The following CUBN variants were observed in gnomAD, a reference collection of about 807,000 sequenced individuals.
The protein encoded by CUBN is 460 kDa receptor.
CUBN carries 282 observed loss-of-function variants against 405.3 expected under a neutral mutation model. That is an observed-to-expected ratio of 0.70 (90% CI 0.63 to 0.77). The LOEUF is 0.77. CUBN is among the 30% of genes least tolerant of loss of function. The probability of loss-of-function intolerance (pLI) is 0.00; values close to 1 mark genes in which losing one functional copy is unlikely to be tolerated. For missense variants in CUBN, 4,514 were observed against 4,475.2 expected (o/e 1.01, Z -0.25); for synonymous variants, 1,684 against 1,617.0 (o/e 1.04, Z -0.99).
chr10:16,826,584 A>C (rs2131295933), intron 66 of CUBN, among the ~76,000 whole-genome samples: 1 of 152,344 alleles, frequency 6.6e-6, no homozygotes, highest in East Asian at 1.9e-4. Context: ...TTAAGAAAAA[A>C]AACAATTACA....
intron 58 of CUBN, among the ~76,000 whole-genome samples, 157 bp from the exon 59 acceptor site, chr10:16,870,010 G>A (rs188844989): frequency 1.2e-3 from 176 of 152,268 alleles, no homozygotes; most frequent in African/African-American, 4.1e-3. Context: ...GTACTTTACT[G>A]ATCAGTTCAA....
chr10:17,015,611 T>G (rs1209672868), intron 28 of CUBN, among the ~76,000 whole-genome samples: 2 of 152,132 alleles, frequency 1.3e-5, no homozygotes, highest in Non-Finnish European at 2.9e-5. Context: ...AATGGTTAAA[T>G]GTAACCGGGG....
intron 39 of CUBN, among the ~76,000 whole-genome samples, chr10:16,936,934 C>T (rs1842524033): frequency 6.6e-6 from 1 of 152,094 alleles, no homozygotes; most frequent in Non-Finnish European, 1.5e-5. Flanking sequence ...CCAGGCTAGT[C>T]TCGAACTCCC....
chr10:17,045,222 C>T (rs1835102452), intron 24 of CUBN, 34 bp from the exon 25 acceptor site: 8 of 1,604,352 alleles, frequency 5.0e-6, no homozygotes, highest in Non-Finnish European at 6.8e-6. Context: ...ACACACACCC[C>T]TTTCCTTCTG....
intron 10 of CUBN, among the ~76,000 whole-genome samples, chr10:17,108,476 G>A (rs751500487): frequency 6.6e-6 from 1 of 151,928 alleles, no homozygotes; most frequent in East Asian, 1.9e-4. Context: ...AATAAAGGTG[G>A]TATCTTGAAA....
At chr10:16,830,075 A>G (rs1170511692) in intron 65 of CUBN, among the ~76,000 whole-genome samples, 1 of 152,122 alleles carries the variant, frequency 6.6e-6, no homozygotes, top group Non-Finnish European at 1.5e-5. Flanking sequence ...AGCTGGGATT[A>G]CAGGCATGTG....
chr10:16,918,812 AC>A lies in CUBN; in HGVS notation c.6822-13del. The A allele has an allele frequency of 6.2e-7, 1 of 1,612,682 alleles. No individual in the cohort carries two copies. Among genetic ancestry groups the A allele is most frequent in the Non-Finnish European group, 8.5e-7 (1 of 1,179,052 alleles). ...AGTTGGAAGTACAGCTGAAGTGGGA[AC>A]AAAATTCTGTTAAATTTACATGGTC... On this transcript the variant is annotated splice_polypyrimidine_tract_variant and intron_variant, in intron 44 of 66. Coordinates refer to ENST00000377833, the MANE Select transcript of CUBN (RefSeq NM_001081.4).
At chr10:17,115,996 G>A (rs371420119) in intron 6 of CUBN, among the ~76,000 whole-genome samples, 65 of 152,306 alleles carry the variant, frequency 4.3e-4, no homozygotes, top group African/African-American at 1.4e-3. Context: ...CACAGGCAAC[G>A]TGGGCTACAC....
chr10:16,906,176 G>A (rs1204721152), intron 50 of CUBN, 27 bp downstream of exon 50: 1 of 1,485,582 alleles, frequency 6.7e-7, no homozygotes, highest in Admixed American at 1.7e-5. Context: ...AGATAAATGG[G>A]AAAACGCATT....
intron 28 of CUBN, among the ~76,000 whole-genome samples, chr10:17,007,780 A>T (rs898440457): frequency 6.6e-6 from 1 of 152,148 alleles, no homozygotes; most frequent in Non-Finnish European, 1.5e-5. Context: ...GATTCTGAGA[A>T]CATCCCTTGC....
At chr10:17,069,123 A>T (rs1305093021) in intron 19 of CUBN, among the ~76,000 whole-genome samples, 1 of 152,170 alleles carries the variant, frequency 6.6e-6, no homozygotes, top group East Asian at 1.9e-4. Flanking sequence ...ATGGATCATT[A>T]TTTCATTCTT....
chr10:17,065,130 C>CTCTCT (rs1491422499), intron 22 of CUBN, among the ~76,000 whole-genome samples: 2 of 3,390 alleles, frequency 5.9e-4, no homozygotes, highest in African/African-American at 1.4e-3. Flanking sequence ...CTCTCTCTCT[C>CTCTCT]CCCCCCCCCC....
intron 22 of CUBN, among the ~76,000 whole-genome samples, chr10:17,053,458 A>G (rs1564496201): frequency 1.3e-5 from 2 of 152,106 alleles, no homozygotes; most frequent in African/African-American, 4.8e-5. Flanking sequence ...GACTTCAAGA[A>G]GGATAATATT....
chr10:16,898,811 A>G (rs1432128466), intron 54 of CUBN, among the ~76,000 whole-genome samples, 185 bp downstream of exon 54: 1 of 152,206 alleles, frequency 6.6e-6, no homozygotes, highest in East Asian at 1.9e-4. Context: ...AGGATCTATT[A>G]GAAAAGTAAG....
At chr10:17,078,101 CATG>C (rs1465541341) in intron 17 of CUBN, among the ~76,000 whole-genome samples, 3 of 152,138 alleles carry the variant, frequency 2.0e-5, no homozygotes, top group Non-Finnish European at 4.4e-5. Context: ...TCATTATCAT[CATG>C]ATGTTAACTT....
intron 58 of CUBN, among the ~76,000 whole-genome samples, chr10:16,870,885 G>A (rs1041400775): frequency 6.6e-6 from 1 of 152,102 alleles, no homozygotes; most frequent in Non-Finnish European, 1.5e-5. Context: ...TTCAAATAAC[G>A]ATTTCTAGAG....
intron 15 of CUBN, 48 bp downstream of exon 15, chr10:17,088,116 G>T: frequency 6.8e-7 from 1 of 1,475,460 alleles, no homozygotes; most frequent in South Asian, 1.1e-5. Flanking sequence ...ATAGTGCCCT[G>T]AGTCCTAATC....
At chr10:16,897,030 G>GT (rs1377940432) in intron 54 of CUBN, among the ~76,000 whole-genome samples, 1 of 151,866 alleles carries the variant, frequency 6.6e-6, no homozygotes, top group Non-Finnish European at 1.5e-5. Context: ...TGTAACCATT[G>GT]TTTTTTTGCT....
chr10:16,998,640 G>T (rs1228948108), intron 28 of CUBN, among the ~76,000 whole-genome samples: 1 of 152,184 alleles, frequency 6.6e-6, no homozygotes, highest in Non-Finnish European at 1.5e-5. Flanking sequence ...TCCCAGGTAG[G>T]TACAAAATGG....
Sources: gnomAD v4.1 joint callset for allele counts (sites outside exome capture counted in the v4.1 genomes callset) on GRCh38, gnomAD v4.1.1 for gene constraint, MANE v1.5 for transcripts, NCBI Gene and HGNC (gene_info 2026-07-23, HGNC 2026-07-21) for gene names.